AGO1: variants seen among roughly 807,000 people sequenced by gnomAD.
AGO1 encodes argonaute RISC component 1.
Under a neutral mutation model 109.2 loss-of-function variants are expected in AGO1, and 11 were observed. The ratio of observed to expected loss-of-function variants is 0.10; its 90% CI spans 0.06 to 0.17. AGO1 has a LOEUF of 0.17. Ranked by LOEUF, AGO1 falls within the 10% of genes least tolerant of loss-of-function variation. The pLI is 1.00. For missense variants in AGO1, 574 were observed against 1,140.3 expected (o/e 0.50, Z 7.15); for synonymous variants, 422 against 418.6 (o/e 1.01, Z -0.10).
intron 16 of AGO1, among the ~76,000 whole-genome samples, chr1:35,918,089 T>C (rs1241276681): frequency 1.3e-5 from 2 of 152,196 alleles, no homozygotes; most frequent in African/African-American, 4.8e-5. Flanking sequence ...TATTATTATC[T>C]CCAATTTAAC....
chr1:35,886,137 C>G lies in AGO1; in HGVS notation c.26-2290C>G, dbSNP rs1352834492. Among the ~76,000 whole-genome samples, 4 of 152,058 alleles carry G rather than the reference C, an allele frequency of 2.6e-5. No individual in the cohort carries two copies. The East Asian group carries it at 7.7e-4, about 29-fold the overall frequency. On this transcript the variant is annotated intron_variant, in intron 1 of 18. Transcript: ENST00000373204. ...GAGGGGGAGTGTCCTTTTCAGGGCC[C>G]CTCCCTCCTTGCTTTTGTCTGAAGA... is the stretch of plus-strand genomic sequence containing the variant.
intron 8 of AGO1, among the ~76,000 whole-genome samples, chr1:35,898,568 G>A (rs1286905070): frequency 8.5e-5 from 13 of 152,164 alleles, no homozygotes; most frequent in African/African-American, 2.9e-4. Flanking sequence ...GTTTAACATC[G>A]TGATGAGCTG....
Position 35,924,232 on chromosome 1 carries a change from T to TCAGCAGCAG in AGO1, c.*4640_*4648dup, listed in dbSNP as rs889197162. 4.5e-5 allele frequency: 7 copies of TCAGCAGCAG among 154,194 alleles called. 1 individual carries two copies. The highest frequency in any genetic ancestry group is 2.1e-3 in the Middle Eastern group (2 of 932). 9.6% of individuals were successfully genotyped at this position (154,194 alleles called of 1,614,324 possible). A position where few individuals can be genotyped will look rare whatever the true frequency, so the allele number is the denominator to read the frequency against. On this transcript the variant is annotated 3_prime_UTR_variant, in exon 19 of 19. Transcript: ENST00000373204. ...ACAGTTCCTTCTGAAGCAAGCAACA[T>TCAGCAGCAG]CAGCAGCAGCAGCAGCAGCAGCACA...
At chr1:35,913,712 T>G in intron 12 of AGO1, 130 bp from the exon 13 acceptor site, 3 of 881,960 alleles carry the variant, frequency 3.4e-6, no homozygotes, top group Non-Finnish European at 5.0e-6. Context: ...AGTAAGCACT[T>G]TGAGAGTAAG....
In AGO1 at chr1:35,893,962, G is replaced by A; in HGVS notation, c.650-75G>A. ...CATCCCAATGCCCTTTAAGGAAGAG[G>A]GTATAAATTGCTGTGCCTCCATGTA... is the stretch of plus-strand genomic sequence containing the variant. On this transcript the variant is annotated intron_variant, in intron 5 of 18. Transcript: ENST00000373204. The surrounding 1 kb of genome is among the most constrained non-coding windows in gnomAD (Gnocchi z 5.6). 3.3e-6 allele frequency: 5 copies of A among 1,521,262 alleles called. No individual in the cohort carries two copies. The highest frequency in any genetic ancestry group is 1.3e-5 in the South Asian group (1 of 77,230). 94.2% of individuals were successfully genotyped at this position (1,521,262 alleles called of 1,614,324 possible).
At position 35,926,596 on chromosome 1, in the gene AGO1, G is replaced by T. The variant is rs1336859435; in HGVS notation, c.*6989G>T. ...AAGCTGCTGTCTACTGCCTGAATGG[G>T]AAGTAATGTCGAATTGGAAAATTAG... On this transcript the variant is annotated 3_prime_UTR_variant, in exon 19 of 19. Coordinates refer to ENST00000373204, the MANE Select transcript of AGO1 (RefSeq NM_012199.5). 6.6e-6 allele frequency: 1 copy of T among 152,208 alleles called. No homozygotes were observed. Among genetic ancestry groups the T allele is most frequent in the South Asian group, 2.1e-4 (1 of 4,836 alleles). The allele number at this position is 152,208 out of a possible 1,614,324, so 9.4% of individuals were successfully genotyped here.
chr1:35,906,897 A>G (rs151154469), intron 11 of AGO1, 38 bp from the exon 12 acceptor site: 1 of 1,571,758 alleles, frequency 6.4e-7, no homozygotes, highest in Admixed American at 1.7e-5. Context: ...AATTCAAGTG[A>G]GACTCACTGC....
chr1:35,904,129 TGA>T (rs1645473778), intron 11 of AGO1, among the ~76,000 whole-genome samples: 1 of 128,564 alleles, frequency 7.8e-6, no homozygotes, highest in Non-Finnish European at 1.5e-5. Flanking sequence ...TTTTTTTTTT[TGA>T]GGCGGAGTCT....
At chr1:35,891,326 A>C (rs993707591) in intron 2 of AGO1, among the ~76,000 whole-genome samples, 1 of 152,328 alleles carries the variant, frequency 6.6e-6, no homozygotes, top group South Asian at 2.1e-4. Flanking sequence ...CCTGGGGTCT[A>C]AGTTTCAGAG....
chr1:35,902,296 C>T lies in AGO1; in HGVS notation c.1356C>T (p.Ala452=). Residue 452 remains alanine, a synonymous_variant, in exon 11 of 19, where the codon GCC becomes GCT. Coordinates refer to ENST00000373204, the MANE Select transcript of AGO1 (RefSeq NM_012199.5). ...TTGAGATCAAAGTCTGGGCCATCGC[C>T]TGCTTCGCACCCCAAAAACAGTGTC... ...NGIEIKVWAI[A]CFAPQKQCRE... 6.2e-7 allele frequency: 1 copy of T among 1,614,212 alleles called. No individual in the cohort carries two copies. Among genetic ancestry groups the T allele is most frequent in the Non-Finnish European group, 8.5e-7 (1 of 1,180,044 alleles).
intron 8 of AGO1, among the ~76,000 whole-genome samples, chr1:35,900,765 C>T (rs553264668): frequency 6.6e-6 from 1 of 151,636 alleles, no homozygotes; most frequent in Non-Finnish European, 1.5e-5. Context: ...CAAAAATTAG[C>T]GAGGCATGGT....
At position 35,893,488 on chromosome 1, in the gene AGO1, C is replaced by T. The variant is rs756395979; in HGVS notation, c.513-186C>T. 8.7e-6 allele frequency: 7 copies of T among 805,992 alleles called. No homozygotes were observed. The highest frequency in any genetic ancestry group is 3.7e-5 in the South Asian group (2 of 53,360). 49.9% of individuals were successfully genotyped at this position (805,992 alleles called of 1,614,324 possible). ...TAGATATCTTTGGGCCTCATCCCAT[C>T]TGTCCCTGCAGGGCAGAGAGAAGGT... On this transcript the variant is annotated intron_variant, in intron 4 of 18. Transcript: ENST00000373204. This position sits in a 1 kb window ranked among gnomAD's most constrained non-coding sequence, Gnocchi z 5.6.
intron 1 of AGO1, among the ~76,000 whole-genome samples, chr1:35,870,588 A>C (rs1306520033): frequency 1.3e-5 from 2 of 152,080 alleles, no homozygotes; most frequent in Non-Finnish European, 2.9e-5. Context: ...GGCCATATGT[A>C]TGTTATAAAG....
At chr1:35,898,872 C>T (rs565251615) in intron 8 of AGO1, among the ~76,000 whole-genome samples, 82 of 152,232 alleles carry the variant, frequency 5.4e-4, no homozygotes, top group African/African-American at 1.4e-3. Flanking sequence ...TTCCTTCTTC[C>T]GTCTTTTTCA....
chr1:35,912,446 ACT>A (rs1284646719), intron 12 of AGO1, among the ~76,000 whole-genome samples: 1 of 150,846 alleles, frequency 6.6e-6, no homozygotes, highest in Non-Finnish European at 1.5e-5. Flanking sequence ...ATTTCAGACT[ACT>A]CTTTTGAGCA....
At chr1:35,871,943 G>T (rs1455763016) in intron 1 of AGO1, among the ~76,000 whole-genome samples, 1 of 151,108 alleles carries the variant, frequency 6.6e-6, no homozygotes, top group Non-Finnish European at 1.5e-5. Context: ...GGTGGCGGGC[G>T]CCTGTAGTCC....
In AGO1 at chr1:35,926,849, C is replaced by T. The variant is rs1235279035; in HGVS notation, c.*7242C>T. On this transcript the variant is annotated 3_prime_UTR_variant, in exon 19 of 19. Transcript: ENST00000373204. ...TATATCATACCAAGGTTTTTTAGGC[C>T]TTTGTGGCTTACCCTGCAGGAACAT... is the stretch of plus-strand genomic sequence containing the variant. 2 of 151,998 alleles carry T rather than the reference C, an allele frequency of 1.3e-5. No homozygotes were observed. Among genetic ancestry groups the T allele is most frequent in the Non-Finnish European group, 2.9e-5 (2 of 68,006 alleles). The allele number at this position is 151,998 out of a possible 1,614,324, so 9.4% of individuals were successfully genotyped here.
At chr1:35,917,446 T>C (rs922114687) in intron 15 of AGO1, 147 bp from the exon 16 acceptor site, 4 of 908,926 alleles carry the variant, frequency 4.4e-6, no homozygotes, top group Non-Finnish European at 6.6e-6. Flanking sequence ...GAAGGGCCTG[T>C]CATCTCTAAT....
rs139707883 is a variant in AGO1, at chr1:35,902,380, C to G, written c.1397+43C>G. The G allele has an allele frequency of 8.0e-5, 127 of 1,597,306 alleles. No individual in the cohort carries two copies. In the African/African-American group the frequency reaches 1.5e-3, roughly 18 times the overall value. On this transcript the variant is annotated intron_variant, in intron 11 of 18. Transcript: ENST00000373204. Reference sequence around the variant, plus strand: ...TAGGGGTGGAAGGGTGGGAAGGACCCTGGAGCTGCCTGCCTTCCTGTAGTC... The same window carrying G: ...TAGGGGTGGAAGGGTGGGAAGGACCGTGGAGCTGCCTGCCTTCCTGTAGTC...
Sources: gnomAD v4.1 joint callset for allele counts (sites outside exome capture counted in the v4.1 genomes callset) on GRCh38, gnomAD v4.1.1 for gene constraint, Gnocchi (gnomAD v3.1) non-coding constraint, MANE v1.5 for transcripts, NCBI Gene and HGNC (gene_info 2026-07-23, HGNC 2026-07-21) for gene names.